Variants in COL6A6 observed in about 807,000 individuals in gnomAD.
COL6A6 encodes collagen alpha-6(VI) chain.
COL6A6 carries 183 observed loss-of-function variants against 208.6 expected under a neutral mutation model. That is an observed-to-expected ratio of 0.88 (90% confidence interval 0.78 to 0.99). The LOEUF is 0.99. COL6A6 is among the 50% of genes least tolerant of loss of function. The probability of loss-of-function intolerance (pLI) is 0.00; values close to 1 mark genes in which losing one functional copy is unlikely to be tolerated. For synonymous variants in COL6A6, 973 were observed against 1,011.8 expected, an observed-to-expected ratio of 0.96 and a Z score of 0.73; for missense variants, 2,816 against 2,815.2, an observed-to-expected ratio of 1.00 and a Z score of -0.01.
chr3:130,662,455 G>A (rs963438599), intron 35 of COL6A6, 147 bp downstream of exon 35: 13 of 741,786 alleles, frequency 1.8e-5, no homozygotes, highest in East Asian at 5.0e-5. Context: ...ATATAATGAC[G>A]GATGGTAGAA....
At chr3:130,650,396 G>A (rs1368511276) in intron 33 of COL6A6, among the ~76,000 whole-genome samples, 3 of 152,210 alleles carry the variant, frequency 2.0e-5, no homozygotes, top group African/African-American at 7.2e-5. Context: ...GCCGAGGCGG[G>A]TGGATCACAA....
chr3:130,668,047 C>CAA (rs567725706), intron 36 of COL6A6, among the ~76,000 whole-genome samples: 1 of 140,228 alleles, frequency 7.1e-6, no homozygotes, highest in African/African-American at 2.6e-5. Context: ...TTAAAAAGGC[C>CAA]AAAAAAAAAG....
At chr3:130,639,551 C>A (rs531153256) in intron 28 of COL6A6, among the ~76,000 whole-genome samples, 2 of 152,032 alleles carry the variant, frequency 1.3e-5, no homozygotes, top group Admixed American at 1.3e-4. Context: ...AAATTAGCCA[C>A]GCGTGGTGGC....
chr3:130,566,177 C>T (rs147009647), intron 4 of COL6A6, among the ~76,000 whole-genome samples: 1,582 of 152,226 alleles, frequency 0.01, 13 homozygotes, highest in Non-Finnish European at 0.013. Context: ...TATTGGTATA[C>T]ATATAGATGT....
intron 1 of COL6A6, among the ~76,000 whole-genome samples, chr3:130,519,867 C>G (rs1022455946): frequency 3.3e-5 from 5 of 152,160 alleles, no homozygotes; most frequent in African/African-American, 4.8e-5. Context: ...CTATTGAGCC[C>G]AATTTTATCC....
intron 7 of COL6A6, among the ~76,000 whole-genome samples, chr3:130,571,846 T>C (rs2107938221): frequency 6.9e-6 from 1 of 145,794 alleles, no homozygotes; most frequent in East Asian, 2.0e-4. Flanking sequence ...TGGCTAATTT[T>C]TTTTTTTTTT....
chr3:130,661,834 G>A lies in COL6A6; in HGVS notation c.6028G>A (p.Val2010Met). ...GGAGACTTCTGTCACTGGAGACCGG[G>A]TGGCCCTATTGAGCCATGCTCCCCC... is the stretch of plus-strand genomic sequence containing the variant. ...EPETSVTGDR[V>M]ALLSHAPPDF... The change falls in exon 35 of 37, where the codon GTG becomes ATG. Residue 2010 changes from valine (V) to methionine (M), a missense_variant. Coordinates refer to ENST00000358511, the MANE Select transcript of COL6A6 (RefSeq NM_001102608.3). 4.3e-6 allele frequency: 7 copies of A among 1,613,938 alleles called. No individual in the cohort carries two copies. The highest frequency in any genetic ancestry group is 2.2e-5 in the East Asian group (1 of 44,878).
chr3:130,586,410 C>T (rs2063542252), intron 10 of COL6A6, 96 bp from the exon 11 acceptor site: 1 of 1,074,060 alleles, frequency 9.3e-7, no homozygotes. Context: ...GTTCTTCTTG[C>T]AGCTGTTCAC....
Position 130,570,962 on chromosome 3 carries a change from G to A in COL6A6, c.2546G>A (p.Gly849Glu). The A allele has an allele frequency of 6.2e-7, 1 of 1,613,976 alleles. No homozygotes were observed. The highest frequency in any genetic ancestry group is 1.1e-5 in the South Asian group (1 of 91,072). Residue 849 changes from glycine to glutamate, a missense_variant, in exon 7 of 37, where the codon GGG (glycine) becomes GAG (glutamate). Transcript: ENST00000358511. The stretch of plus-strand genomic sequence containing the variant: ...GTGGGCAAGAATCAGGTCCGGTTTG[G>A]GGCTCTGAAGTATGCTGATGACCCA... ...ADVGKNQVRFGALKYADDPEV... is the reference protein window; with the variant it reads ...ADVGKNQVRFEALKYADDPEV...
chr3:130,648,271 T>C (rs1269048396), intron 32 of COL6A6, among the ~76,000 whole-genome samples: 1 of 152,254 alleles, frequency 6.6e-6, no homozygotes, highest in Non-Finnish European at 1.5e-5. Flanking sequence ...CTGTTAAAGC[T>C]TTCCTCAGTC....
At chr3:130,584,327 C>T (rs2063487760) in intron 10 of COL6A6, among the ~76,000 whole-genome samples, 1 of 152,118 alleles carries the variant, frequency 6.6e-6, no homozygotes, top group Admixed American at 6.6e-5. Flanking sequence ...AATCAGATGA[C>T]AGAAGGTTTC....
At chr3:130,533,606 T>C (rs1166725733) in intron 1 of COL6A6, among the ~76,000 whole-genome samples, 2 of 152,264 alleles carry the variant, frequency 1.3e-5, no homozygotes, top group East Asian at 3.8e-4. Flanking sequence ...GAAATCCTCT[T>C]GGTCCCCCTT....
chr3:130,577,731 A>G (rs961618794), intron 8 of COL6A6, among the ~76,000 whole-genome samples: 4 of 152,250 alleles, frequency 2.6e-5, no homozygotes, highest in African/African-American at 9.6e-5. Flanking sequence ...TCATCTGCAA[A>G]ATGAAAAAGA....
At chr3:130,526,409 A>AT (rs1396094602) in intron 1 of COL6A6, among the ~76,000 whole-genome samples, 2 of 152,164 alleles carry the variant, frequency 1.3e-5, no homozygotes, top group African/African-American at 2.4e-5. Context: ...GGCTCACATC[A>AT]TTAAGAGCCT....
At chr3:130,570,768 T>A in intron 6 of COL6A6, 50 bp from the exon 7 acceptor site, 2 of 1,430,138 alleles carry the variant, frequency 1.4e-6, no homozygotes, top group South Asian at 1.3e-5. Context: ...GCGTCTCCCA[T>A]GCTGTCCAAA....
chr3:130,566,818 A>T lies in COL6A6; in HGVS notation c.1399A>T (p.Asn467Tyr), dbSNP rs199669411. 38 of 1,613,884 alleles carry T rather than the reference A, an allele frequency of 2.4e-5. No homozygotes were observed. The highest frequency in any genetic ancestry group is 1.6e-4 in the Middle Eastern group (1 of 6,084). The change falls in exon 5 of 37, where the codon AAC becomes TAC. Residue 467 changes from asparagine (N) to tyrosine (Y), a missense_variant. Transcript: ENST00000358511. ...TFLSEVVGMFNIAPHKVRVGA... is the reference protein window; with the variant it reads ...TFLSEVVGMFYIAPHKVRVGA... ...CCTGTCAGAGGTGGTAGGGATGTTC[A>T]ACATTGCTCCCCATAAGGTGCGGGT...
intron 1 of COL6A6, among the ~76,000 whole-genome samples, chr3:130,532,152 G>A (rs2062112317): frequency 6.6e-6 from 1 of 152,092 alleles, no homozygotes; most frequent in African/African-American, 2.4e-5. Context: ...AGTTGACAAG[G>A]CGATGCAATT....
intron 33 of COL6A6, among the ~76,000 whole-genome samples, chr3:130,655,624 G>T (rs142673898): frequency 6.6e-6 from 1 of 152,270 alleles, no homozygotes; most frequent in Non-Finnish European, 1.5e-5. Context: ...GGTGCGCCTG[G>T]GAGTCACTGG....
chr3:130,615,587 G>T (rs1321481630), intron 23 of COL6A6, among the ~76,000 whole-genome samples: 1 of 152,086 alleles, frequency 6.6e-6, no homozygotes, highest in Non-Finnish European at 1.5e-5. Flanking sequence ...TTTGATGAAG[G>T]TGCTTCTTCA....
Sources: allele counts gnomAD v4.1 joint callset (sites outside exome capture counted in the v4.1 genomes callset), GRCh38; gene constraint gnomAD v4.1.1; transcripts MANE v1.5; gene names NCBI Gene and HGNC (gene_info 2026-07-23, HGNC 2026-07-21).